Variants in IL12RB1 observed in about 807,000 individuals in gnomAD.
The protein encoded by IL12RB1 is interleukin 12 receptor subunit beta 1, also known as interleukin-12 receptor subunit beta-1.
A neutral mutation model predicts 94.4 loss-of-function variants in IL12RB1; 64 were observed. That is an observed-to-expected ratio of 0.68 (90% confidence interval 0.55 to 0.83). The LOEUF is 0.83. IL12RB1 is among the 40% of genes least tolerant of loss of function. The probability of loss-of-function intolerance (pLI) is 0.00; values close to 1 mark genes in which losing one functional copy is unlikely to be tolerated. For synonymous variants in IL12RB1, 362 were observed against 355.5 expected (o/e 1.02, Z -0.21); for missense variants, 814 against 855.6 (o/e 0.95, Z 0.61).
At chr19:18,080,280 C>G (rs1449218705) in intron 4 of IL12RB1, among the ~76,000 whole-genome samples, 4 of 151,968 alleles carry the variant, frequency 2.6e-5, no homozygotes, top group Non-Finnish European at 5.9e-5. Context: ...TGCTCTGTCG[C>G]CAGGCAGGAG....
chr19:18,091,868 C>CTT (rs1264996682), upstream of IL12RB1, among the ~76,000 whole-genome samples: 700 of 120,462 alleles, frequency 5.8e-3, 2 homozygotes, highest in Middle Eastern at 8.7e-3. Flanking sequence ...CCTGGCTTTT[C>CTT]TTTTTTTTTT....
At chr19:18,074,050 C>T (rs920478996) in intron 7 of IL12RB1, among the ~76,000 whole-genome samples, 6 of 152,162 alleles carry the variant, frequency 3.9e-5, no homozygotes, top group African/African-American at 1.4e-4. Context: ...TTCTTGAACT[C>T]CTGACCTTGT....
intron 9 of IL12RB1, 137 bp downstream of exon 9, chr19:18,071,975 T>G (rs2035085752): frequency 1.4e-6 from 1 of 695,944 alleles, no homozygotes; most frequent in East Asian, 2.7e-5. Context: ...GATTACTGAA[T>G]TTTTGATACA....
At chr19:18,069,487 C>T (rs2034850122) in intron 10 of IL12RB1, 59 bp downstream of exon 10, 3 of 1,492,228 alleles carry the variant, frequency 2.0e-6, no homozygotes, top group Non-Finnish European at 1.8e-6. Flanking sequence ...TTGAACCCAC[C>T]AGGACCTAAA....
In IL12RB1 at chr19:18,086,760, C is replaced by T. The variant is rs778524238; in HGVS notation, c.64G>A (p.Ala22Thr). 7.5e-6 allele frequency: 12 copies of T among 1,609,120 alleles called. No homozygotes were observed. The highest frequency in any genetic ancestry group is 1.6e-4 in the Middle Eastern group (1 of 6,080). ...LFLFLLSRQG[A>T]ACRTSECCFQ... ...GCCATGCCAGGGTCAGGGGACTCACCGCCCTGCCTGGACAGCAGGAAGAGG... is the reference window on the plus strand; with the variant it reads ...GCCATGCCAGGGTCAGGGGACTCACTGCCCTGCCTGGACAGCAGGAAGAGG... Residue 22 changes from alanine (A) to threonine (T), a missense_variant and splice_region_variant, in exon 1 of 17, where the codon GCT becomes ACT. Ala to Thr is a moderately conservative substitution (Grantham distance 58). Transcript: ENST00000593993.
chr19:18,074,869 G>A (rs1455737249), intron 7 of IL12RB1, among the ~76,000 whole-genome samples: 2 of 151,932 alleles, frequency 1.3e-5, no homozygotes, highest in Non-Finnish European at 2.9e-5. Flanking sequence ...GGCTAACATG[G>A]TGAAACCCCG....
At chr19:18,065,502 G>C (rs2034509139) in intron 12 of IL12RB1, among the ~76,000 whole-genome samples, 1 of 151,924 alleles carries the variant, frequency 6.6e-6, no homozygotes, top group Non-Finnish European at 1.5e-5. Context: ...TGGGAGGATA[G>C]TTTGAGGCCA....
At chr19:18,097,853 G>T in intron 1 of IL12RB1, 1 of 1,227,838 alleles carries the variant, frequency 8.1e-7, no homozygotes, top group African/African-American at 1.6e-5. Context: ...GCGCGGGCGG[G>T]CGGAAGGCAG....
chr19:18,089,030 C>CAA (rs566600686), upstream of IL12RB1, among the ~76,000 whole-genome samples: 3 of 79,210 alleles, frequency 3.8e-5, no homozygotes, highest in Non-Finnish European at 5.1e-5. Context: ...GACTCCATCT[C>CAA]AAAAAAAAAA....
At chr19:18,066,760 C>T (rs1489996586) in intron 11 of IL12RB1, 63 bp from the exon 12 acceptor site, 18 of 1,399,936 alleles carry the variant, frequency 1.3e-5, no homozygotes, top group Non-Finnish European at 1.5e-5. Context: ...GGCACAGTGG[C>T]TCGCACCTGT....
In IL12RB1 at chr19:18,097,843, G is replaced by T. The variant is rs909109157; in HGVS notation, c.-230+912C>A. ...GCCGCGGGCTCCAGGTGAGGCCCCT[G>T]CGCGGGCGGGCGGAAGGCAGAGGGC... On this transcript the variant is annotated intron_variant, in intron 1 of 4. Transcript: ENST00000594176. 3 of 1,227,944 alleles carry T rather than the reference G, an allele frequency of 2.4e-6. No individual in the cohort carries two copies. In the South Asian group the frequency reaches 1.2e-4, roughly 50 times the overall value. The allele number at this position is 1,227,944 out of a possible 1,614,324, so 76.1% of individuals were successfully genotyped here.
Position 18,059,944 on chromosome 19 carries a change from C to T in IL12RB1, c.1933G>A (p.Ala645Thr), listed in dbSNP as rs1456119242. The T allele has an allele frequency of 1.9e-6, 3 of 1,594,720 alleles. No homozygotes were observed. Among genetic ancestry groups the T allele is most frequent in the Non-Finnish European group, 2.6e-6 (3 of 1,170,386 alleles). ...TCCAAGGACAACTCTGTATCCAGGGCCAGCTCAGGGGCACCCTCAGGTAGC... is the reference window on the plus strand; with the variant it reads ...TCCAAGGACAACTCTGTATCCAGGGTCAGCTCAGGGGCACCCTCAGGTAGC... ...TELPEGAPEL[A>T]LDTELSLEDG... The change falls in exon 16 of 17, where the codon GCC becomes ACC. Residue 645 changes from alanine to threonine, a missense_variant. By Grantham distance (58) the Ala-to-Thr change is moderately conservative. Transcript: ENST00000593993.
intron 13 of IL12RB1, among the ~76,000 whole-genome samples, chr19:18,062,686 C>T (rs2034231769): frequency 6.6e-6 from 1 of 152,076 alleles, no homozygotes; most frequent in Non-Finnish European, 1.5e-5. Flanking sequence ...ACAGAAGAAT[C>T]GCTTGAACTC....
chr19:18,075,957 A>C, intron 6 of IL12RB1, 89 bp from the exon 7 acceptor site: 74 of 1,305,198 alleles, frequency 5.7e-5, no homozygotes, highest in Non-Finnish European at 7.3e-5. Context: ...ATTGAGCTCC[A>C]ACTGTGTACA....
rs1415821312 is a variant in IL12RB1 at position 18,071,409 on chromosome 19, C to A, written c.1021+703G>T. ...TCTAGCCTTTTTTCTTTCTTTCTCT[C>A]TTTTTTCTTTTTTGAAAAAGAGTGT... On this transcript the variant is annotated intron_variant, in intron 9 of 16. Transcript: ENST00000593993. The A allele has an allele frequency of 3.7e-6, 3 of 804,430 alleles. No homozygotes were observed. The East Asian group carries it at 1.9e-4, about 51-fold the overall frequency. 49.8% of individuals were successfully genotyped at this position (804,430 alleles called of 1,614,324 possible).
intron 13 of IL12RB1, among the ~76,000 whole-genome samples, chr19:18,062,850 C>T (rs1216969675): frequency 6.6e-6 from 1 of 151,872 alleles, no homozygotes; most frequent in Non-Finnish European, 1.5e-5. Flanking sequence ...CCCAGGCCTG[C>T]CTGCCCCCCA....
chr19:18,085,633 A>G (rs957868588), intron 1 of IL12RB1, among the ~76,000 whole-genome samples: 2 of 152,060 alleles, frequency 1.3e-5, no homozygotes, highest in East Asian at 3.9e-4. Context: ...TTATTGAGAT[A>G]GAGTCTTGCT....
intron 1 of IL12RB1, among the ~76,000 whole-genome samples, chr19:18,094,806 A>C (rs1382501649): frequency 1.3e-5 from 2 of 152,082 alleles, no homozygotes; most frequent in African/African-American, 4.8e-5. Flanking sequence ...AAAACAAAAC[A>C]AAACAACCCA....
rs758417893 is a variant in IL12RB1, at chr19:18,086,847, C to T, written c.-24G>A. ...ATCGGATCCACGTAGAGCCCCACAG[C>T]CCCAGGGGAGCCTCTCTGCCACCTG... On this transcript the variant is annotated 5_prime_UTR_variant, in exon 1 of 17. Transcript: ENST00000593993. 1.9e-6 allele frequency: 3 copies of T among 1,602,748 alleles called. No individual in the cohort carries two copies. Among genetic ancestry groups the T allele is most frequent in the Non-Finnish European group, 2.6e-6 (3 of 1,174,668 alleles).
Sources: allele counts gnomAD v4.1 joint callset (sites outside exome capture counted in the v4.1 genomes callset), GRCh38; gene constraint gnomAD v4.1.1; transcripts MANE v1.5; gene names NCBI Gene and HGNC (gene_info 2026-07-23, HGNC 2026-07-21).